Variants in STS observed in about 807,000 individuals in gnomAD.
STS encodes steryl-sulfatase.
STS carries 7 observed loss-of-function variants against 26.8 expected under a neutral mutation model. That is an observed-to-expected ratio of 0.26 (90% CI 0.15 to 0.49). STS has a LOEUF of 0.49. Among genes scored for constraint, STS ranks in the 20% least tolerant of loss-of-function variants. The probability of loss-of-function intolerance (pLI) is 0.98; values close to 1 mark genes in which losing one functional copy is unlikely to be tolerated. For synonymous variants in STS, 199 were observed against 189.4 expected (o/e 1.05, Z -0.42); for missense variants, 434 against 465.6 (o/e 0.93, Z 0.63).
chrX:7,277,852 G>A (rs564622544), intron 7 of STS, among the ~76,000 whole-genome samples: 10 of 111,356 alleles, frequency 9.0e-5, no homozygotes, highest in South Asian at 7.5e-4. Context: ...TATATTTTTC[G>A]CATCTTAGTG....
intron 10 of STS, among the ~76,000 whole-genome samples, chrX:7,348,265 A>G (rs1336888105): frequency 2.7e-5 from 3 of 112,098 alleles, no homozygotes; most frequent in African/African-American, 3.2e-5. Flanking sequence ...GGGACAACAC[A>G]TGCCCTAGTG....
At chrX:7,180,468 T>G in intron 1 of STS, among the ~76,000 whole-genome samples, 1 of 111,713 alleles carries the variant, frequency 9.0e-6, no homozygotes, top group East Asian at 2.8e-4. Flanking sequence ...CAGGTGAAAC[T>G]TCACTCATTC....
chrX:7,205,128 A>C (rs973295610), intron 2 of STS, among the ~76,000 whole-genome samples: 2 of 111,813 alleles, frequency 1.8e-5, no homozygotes, highest in East Asian at 5.6e-4. Context: ...GTTGTTAGTA[A>C]AATAGACTTT....
intron 2 of STS, among the ~76,000 whole-genome samples, chrX:7,199,392 TTCTATC>T (rs1307589520): frequency 7.1e-5 from 8 of 112,131 alleles, no homozygotes; most frequent in African/African-American, 1.9e-4. Flanking sequence ...CGATCCTACT[TTCTATC>T]TCTATTTTAT....
intron 8 of STS, among the ~76,000 whole-genome samples, chrX:7,311,941 C>T (rs906586942): frequency 1.8e-5 from 2 of 111,705 alleles, no homozygotes; most frequent in Non-Finnish European, 1.9e-5. Context: ...GTAAGAGGAT[C>T]GCTTGAGCCC....
intron 5 of STS, 49 bp downstream of exon 5, chrX:7,257,637 G>C (rs370771122): frequency 1.7e-6 from 2 of 1,202,048 alleles, no homozygotes; most frequent in African/African-American, 1.7e-5. Flanking sequence ...GGGAATGGGA[G>C]GGAGGACTTG....
intron 1 of STS, among the ~76,000 whole-genome samples, chrX:7,153,399 T>TTTCCTCCTGTC (rs1250945284): frequency 1.0e-5 from 1 of 95,931 alleles, no homozygotes; most frequent in South Asian, 6.3e-4. Context: ...CTTCCCTTCC[T>TTTCCTCCTGTC]TTCCTCCTGT....
chrX:7,305,222 C>A, intron 8 of STS, 39 bp downstream of exon 8: 1 of 1,204,894 alleles, frequency 8.3e-7, no homozygotes, highest in Non-Finnish European at 1.1e-6. Context: ...GGCCTCTCAG[C>A]TCATCCGCTG....
chrX:7,216,528 A>C (rs773304829), intron 2 of STS, among the ~76,000 whole-genome samples: 29 of 112,265 alleles, frequency 2.6e-4, no homozygotes, highest in Non-Finnish European at 5.1e-4. Flanking sequence ...TATGGAGAAG[A>C]GTAAACAAGG....
At chrX:7,253,462 G>A (rs1923245115) in intron 3 of STS, 126 bp downstream of exon 3, 1 of 952,112 alleles carries the variant, frequency 1.1e-6, no homozygotes, top group South Asian at 2.0e-5. Flanking sequence ...AACCATGCCT[G>A]GCTTCATGTA....
At chrX:7,335,751 T>G (rs1447022196) in intron 10 of STS, among the ~76,000 whole-genome samples, 2 of 112,185 alleles carry the variant, frequency 1.8e-5, no homozygotes, top group Non-Finnish European at 3.8e-5. Flanking sequence ...GGTCTACCAT[T>G]TAAGTCTTTA....
intron 8 of STS, among the ~76,000 whole-genome samples, chrX:7,306,663 T>C (rs1343330389): frequency 1.8e-5 from 2 of 111,459 alleles, no homozygotes; most frequent in Admixed American, 9.5e-5. Flanking sequence ...AAGATACTAA[T>C]GGCACAAGGG....
intron 1 of STS, among the ~76,000 whole-genome samples, chrX:7,150,575 G>A (rs931439908): frequency 8.9e-6 from 1 of 112,100 alleles, no homozygotes; most frequent in South Asian, 3.7e-4. Flanking sequence ...TGACGAAATG[G>A]CAAAGCCTCA....
At chrX:7,229,643 T>C (rs1465245183) in intron 2 of STS, among the ~76,000 whole-genome samples, 4 of 110,292 alleles carry the variant, frequency 3.6e-5, no homozygotes, top group Non-Finnish European at 7.6e-5. Flanking sequence ...CAGGAGTGCA[T>C]TGAAGGGTTG....
At chrX:7,212,089 G>A (rs1921058342) in intron 2 of STS, among the ~76,000 whole-genome samples, 1 of 111,683 alleles carries the variant, frequency 9.0e-6, no homozygotes, top group South Asian at 3.7e-4. Flanking sequence ...TATAATATGC[G>A]CTGATATCCA....
chrX:7,305,229 G>A (rs749195519), intron 8 of STS, 46 bp downstream of exon 8: 43 of 1,199,706 alleles, frequency 3.6e-5, no homozygotes, highest in Middle Eastern at 2.3e-4. Context: ...CAGCTCATCC[G>A]CTGGTCACTT....
At chrX:7,270,705 T>G (rs1924227597) in intron 6 of STS, among the ~76,000 whole-genome samples, 1 of 111,750 alleles carries the variant, frequency 8.9e-6, no homozygotes, top group African/African-American at 3.3e-5. Context: ...TCCATAAATA[T>G]GTGAATTTTG....
chrX:7,345,232 C>A (rs1928475123), intron 10 of STS, among the ~76,000 whole-genome samples: 1 of 111,711 alleles, frequency 9.0e-6, no homozygotes, highest in East Asian at 2.8e-4. Flanking sequence ...ATTTCTGTAA[C>A]CGGTTACAGG....
chrX:7,314,084 G>C (rs1926601088), intron 8 of STS, among the ~76,000 whole-genome samples: 1 of 111,992 alleles, frequency 8.9e-6, no homozygotes, highest in Non-Finnish European at 1.9e-5. Flanking sequence ...GCTGGGCGCA[G>C]TGGCTTATAC....
Sources: gnomAD v4.1 joint callset for allele counts (sites outside exome capture counted in the v4.1 genomes callset) on GRCh38, gnomAD v4.1.1 for gene constraint, MANE v1.5 for transcripts, NCBI Gene and HGNC (gene_info 2026-07-23, HGNC 2026-07-21) for gene names.